Variants in PRUNE2 observed in about 807,000 individuals in gnomAD.
The protein encoded by PRUNE2 is prune homolog 2 with BCH domain.
Under a neutral mutation model 252.0 loss-of-function variants are expected in PRUNE2, and 164 were observed. The observed-to-expected ratio is 0.65, with a 90% CI of 0.57 to 0.74. PRUNE2 has a LOEUF of 0.74. PRUNE2 is among the 30% of genes least tolerant of loss of function. PRUNE2 has a pLI of 0.00. For synonymous variants in PRUNE2, 1,292 were observed against 1,350.2 expected (o/e 0.96, Z 0.94); for missense variants, 3,495 against 3,711.0 (o/e 0.94, Z 1.51).
Position 76,787,844 on chromosome 9 carries a change from C to T in PRUNE2, c.756+35788G>A, listed in dbSNP as rs535029560. 6.8e-4 allele frequency among the ~76,000 whole-genome samples: 103 copies of T among 152,312 alleles called. 2 individuals carry two copies. The highest frequency in any genetic ancestry group is 1.7e-3 in the South Asian group (8 of 4,824). ...AAAGCCCCGTCTAGTTGCACAGTGC[C>T]GAAGGCCTTAGAGCCCAGCTCCTCC... On this transcript the variant is annotated intron_variant, in intron 6 of 18. Coordinates refer to ENST00000376718, the MANE Select transcript of PRUNE2 (RefSeq NM_015225.3).
intron 4 of PRUNE2, among the ~76,000 whole-genome samples, chr9:76,834,499 G>A (rs188811077): frequency 6.6e-6 from 1 of 152,228 alleles, no homozygotes; most frequent in Non-Finnish European, 1.5e-5. Context: ...AATACTTAAT[G>A]TGCCCTGGCT....
intron 6 of PRUNE2, among the ~76,000 whole-genome samples, chr9:76,779,267 T>C (rs2054122381): frequency 6.6e-6 from 1 of 151,948 alleles, no homozygotes; most frequent in Non-Finnish European, 1.5e-5. Context: ...GGATGTTCCT[T>C]AGTCACTTAA....
At chr9:76,904,548 T>G (rs1225869721) in intron 1 of PRUNE2, among the ~76,000 whole-genome samples, 3 of 152,228 alleles carry the variant, frequency 2.0e-5, no homozygotes, top group Non-Finnish European at 4.4e-5. Context: ...TCTCCTTCAT[T>G]ACTAGGTAAA....
At chr9:76,684,956 T>C (rs2043916959) in intron 9 of PRUNE2, among the ~76,000 whole-genome samples, 1 of 152,164 alleles carries the variant, frequency 6.6e-6, no homozygotes, top group Admixed American at 6.5e-5. Flanking sequence ...TTCACCATGT[T>C]GGTCAGGCTG....
intron 1 of PRUNE2, among the ~76,000 whole-genome samples, chr9:76,900,813 G>C (rs1022628946): frequency 6.6e-6 from 1 of 152,040 alleles, no homozygotes; most frequent in African/African-American, 2.4e-5. Context: ...GGAGGGGTAG[G>C]TTCCCTCTAC....
intron 15 of PRUNE2, among the ~76,000 whole-genome samples, chr9:76,633,724 A>C (rs1240785615): frequency 6.6e-6 from 1 of 152,198 alleles, no homozygotes; most frequent in Non-Finnish European, 1.5e-5. Flanking sequence ...TTACTAGTTG[A>C]ATCTTTATAA....
chr9:76,830,261 T>C (rs2058593503), intron 4 of PRUNE2, among the ~76,000 whole-genome samples: 2 of 152,144 alleles, frequency 1.3e-5, no homozygotes. Context: ...GTAGTTCCCC[T>C]TGGAAAGGAG....
In PRUNE2 at chr9:76,614,495, C is replaced by T; in HGVS notation, c.*75G>A. The T allele has an allele frequency of 8.1e-7, 1 of 1,237,224 alleles. No homozygotes were observed. Among genetic ancestry groups the T allele is most frequent in the Non-Finnish European group, 1.2e-6 (1 of 840,610 alleles). 76.6% of individuals were successfully genotyped at this position (1,237,224 alleles called of 1,614,324 possible). On this transcript the variant is annotated 3_prime_UTR_variant, in exon 19 of 19. Transcript: ENST00000376718. ...CAAAGTGGAAAAAGGTAACATCAGC[C>T]CTGTCTCTTTCAGGTAGATATGTTT...
At chr9:76,788,072 A>G (rs552909323) in intron 6 of PRUNE2, among the ~76,000 whole-genome samples, 1 of 152,272 alleles carries the variant, frequency 6.6e-6, no homozygotes, top group African/African-American at 2.4e-5. Flanking sequence ...AGCCATTACC[A>G]GCAACTAAAG....
intron 6 of PRUNE2, among the ~76,000 whole-genome samples, chr9:76,760,368 C>A (rs1401992174): frequency 6.6e-6 from 1 of 152,200 alleles, no homozygotes; most frequent in Non-Finnish European, 1.5e-5. Flanking sequence ...TTCCTCATCA[C>A]CTAGGGCAGA....
At chr9:76,822,232 A>G (rs991476970) in intron 6 of PRUNE2, among the ~76,000 whole-genome samples, 12 of 152,214 alleles carry the variant, frequency 7.9e-5, no homozygotes, top group Admixed American at 5.2e-4. Context: ...TATCAATCTG[A>G]AAGTCCATAG....
At chr9:76,897,706 G>A (rs1197535966) in intron 1 of PRUNE2, among the ~76,000 whole-genome samples, 1 of 152,012 alleles carries the variant, frequency 6.6e-6, no homozygotes, top group Non-Finnish European at 1.5e-5. Flanking sequence ...ATGAGCCACT[G>A]CACCTGGCCT....
intron 6 of PRUNE2, among the ~76,000 whole-genome samples, chr9:76,749,687 G>A (rs1383013278): frequency 6.6e-6 from 1 of 152,120 alleles, no homozygotes; most frequent in South Asian, 2.1e-4. Flanking sequence ...ACTTTACTGC[G>A]TCAGGTGAGC....
chr9:76,846,579 C>T lies in PRUNE2; in HGVS notation c.444G>A (p.Val148=). 1 of 1,614,152 alleles carries T rather than the reference C, an allele frequency of 6.2e-7. No homozygotes were observed. The highest frequency in any genetic ancestry group is 8.5e-7 in the Non-Finnish European group (1 of 1,179,990). Residue 148 remains valine (V), a synonymous_variant, in exon 4 of 19, where the codon GTG becomes GTA. Coordinates refer to ENST00000376718, the MANE Select transcript of PRUNE2 (RefSeq NM_015225.3). ...GAGCCTCTTGGAGAATCTCCTTTAG[C>T]ACGAGAGAAGAGGAAGACTCTCGGA... ...VEFRESSSSL[V]LKEILQEAPE...
Position 76,873,367 on chromosome 9 carries a change from GA to G in PRUNE2, c.37-19160del, listed in dbSNP as rs151053416. On this transcript the variant is annotated intron_variant, in intron 1 of 18. Coordinates refer to ENST00000376718, the MANE Select transcript of PRUNE2 (RefSeq NM_015225.3). ...AAAAGAAGCCTTGTATATAGTCTCA[GA>G]AATATTAATAATTCAGCTACACTCT... Among the ~76,000 whole-genome samples the G allele has an allele frequency of 3.0e-3, 454 of 152,252 alleles. 4 individuals are homozygous for G. Among genetic ancestry groups the G allele is most frequent in the African/African-American group, 0.01 (432 of 41,542 alleles).
intron 15 of PRUNE2, among the ~76,000 whole-genome samples, chr9:76,636,192 T>C (rs980301838): frequency 1.3e-5 from 2 of 152,216 alleles, no homozygotes; most frequent in East Asian, 1.9e-4. Flanking sequence ...TCCTTTCTAA[T>C]GTGGCATGAA....
chr9:76,758,259 A>C (rs1316504829), intron 6 of PRUNE2, among the ~76,000 whole-genome samples: 1 of 152,130 alleles, frequency 6.6e-6, no homozygotes, highest in African/African-American at 2.4e-5. Flanking sequence ...GTAGAACTTA[A>C]ATAAATGCAA....
At chr9:76,624,986 C>T in intron 16 of PRUNE2, 1 of 1,278,062 alleles carries the variant, frequency 7.8e-7, no homozygotes, top group Non-Finnish European at 1.0e-6. Flanking sequence ...TGTACACACA[C>T]AGGGTCCAGC....
chr9:76,889,984 T>C (rs1203007936), intron 1 of PRUNE2, among the ~76,000 whole-genome samples: 3 of 152,196 alleles, frequency 2.0e-5, no homozygotes, highest in Non-Finnish European at 2.9e-5. Flanking sequence ...GTGACTCCAA[T>C]AGGCATTAAA....
Sources: gnomAD v4.1 joint callset for allele counts (sites outside exome capture counted in the v4.1 genomes callset) on GRCh38, gnomAD v4.1.1 for gene constraint, MANE v1.5 for transcripts, NCBI Gene and HGNC (gene_info 2026-07-23, HGNC 2026-07-21) for gene names.